UBE2E1: variants seen among roughly 807,000 people sequenced by gnomAD.
The protein encoded by UBE2E1 is ubiquitin conjugating enzyme E2 E1.
Under a neutral mutation model 21.4 loss-of-function variants are expected in UBE2E1, and 6 were observed. That is an observed-to-expected ratio of 0.28 (90% CI 0.15 to 0.55). The LOEUF (loss-of-function observed/expected upper bound fraction) is 0.55. Among genes scored for constraint, UBE2E1 ranks in the 20% least tolerant of loss-of-function variants. The pLI is 0.93. For synonymous variants in UBE2E1, 87 were observed against 82.7 expected, an observed-to-expected ratio of 1.05 and a Z score of -0.28; for missense variants, 142 against 236.5, an observed-to-expected ratio of 0.60 and a Z score of 2.62.
At chr3:23,845,724 T>TCATA (rs1301842551) in intron 3 of UBE2E1, among the ~76,000 whole-genome samples, 10 of 152,042 alleles carry the variant, frequency 6.6e-5, no homozygotes, top group Non-Finnish European at 1.5e-4. Context: ...ATTCTAGGCG[T>TCATA]CATAGGCCAT....
At chr3:23,872,713 T>C (rs1700829678) in intron 3 of UBE2E1, among the ~76,000 whole-genome samples, 1 of 152,182 alleles carries the variant, frequency 6.6e-6, no homozygotes, top group South Asian at 2.1e-4. Flanking sequence ...AAATGAAAAC[T>C]GTTTTTCAAA....
chr3:23,821,906 G>T (rs1291698205), intron 3 of UBE2E1, among the ~76,000 whole-genome samples: 2 of 152,152 alleles, frequency 1.3e-5, no homozygotes, highest in Non-Finnish European at 2.9e-5. Flanking sequence ...GGAGCTCTGA[G>T]ATACATACAC....
intron 3 of UBE2E1, among the ~76,000 whole-genome samples, chr3:23,848,059 A>G (rs781696002): frequency 1.4e-4 from 22 of 152,162 alleles, no homozygotes; most frequent in Admixed American, 2.6e-4. Context: ...TTAACTTCAG[A>G]TATCTTGGAC....
rs1233301297 is a variant in UBE2E1 at position 23,890,803 on chromosome 3, T to C, written c.*197T>C. ...TAGACAGAATTGGTAATAGCAACTT[T>C]TAAAATTGTCATTAGTTCTGCAATA... On this transcript the variant is annotated 3_prime_UTR_variant, in exon 6 of 6. Transcript: ENST00000306627. The C allele has an allele frequency of 3.6e-5, 16 of 448,892 alleles. No individual in the cohort carries two copies. The Admixed American group carries it at 5.4e-4, about 15-fold the overall frequency. 27.8% of individuals were successfully genotyped at this position (448,892 alleles called of 1,614,324 possible).
At position 23,806,242 on chromosome 3, in the gene UBE2E1, C is replaced by T. The variant is rs1359751442; in HGVS notation, c.-34+154C>T. On this transcript the variant is annotated intron_variant, in intron 1 of 5. Coordinates refer to ENST00000306627, the MANE Select transcript of UBE2E1 (RefSeq NM_003341.5). This position sits in a 1 kb window ranked among gnomAD's most constrained non-coding sequence, Gnocchi z 6.5. ...GGGGGAGCGGAGAGGGGCTGGGGAGCCCCAGGGGTCCGGGGCCCGCCCGCG... is the reference window on the plus strand; with the variant it reads ...GGGGGAGCGGAGAGGGGCTGGGGAGTCCCAGGGGTCCGGGGCCCGCCCGCG... 6.7e-6 allele frequency among the ~76,000 whole-genome samples: 1 copy of T among 149,430 alleles called. No homozygotes were observed. Among genetic ancestry groups the T allele is most frequent in the Non-Finnish European group, 1.5e-5 (1 of 66,988 alleles).
rs1700359266 is a variant in UBE2E1, at chr3:23,853,007, C to T, written c.204-34560C>T. Among the ~76,000 whole-genome samples the T allele has an allele frequency of 1.3e-5, 2 of 151,714 alleles. No homozygotes were observed. The highest frequency in any genetic ancestry group is 2.9e-5 in the Non-Finnish European group (2 of 67,950). On this transcript the variant is annotated intron_variant, in intron 3 of 5. Transcript: ENST00000306627. This position sits in a 1 kb window ranked among gnomAD's most constrained non-coding sequence, Gnocchi z 4.1. Reference sequence around the variant, plus strand: ...TCTCGGCTCACCACAACTTACGCCTCCTGAGTTCAAGTGATTCTCCTGCCT... The same window carrying T: ...TCTCGGCTCACCACAACTTACGCCTTCTGAGTTCAAGTGATTCTCCTGCCT...
At chr3:23,852,916 TG>T (rs946490092) in intron 3 of UBE2E1, among the ~76,000 whole-genome samples, 3 of 151,400 alleles carry the variant, frequency 2.0e-5, no homozygotes, top group Non-Finnish European at 2.9e-5. Flanking sequence ...TATTTTGTTT[TG>T]TTTTTTTTTT....
intron 3 of UBE2E1, among the ~76,000 whole-genome samples, chr3:23,845,565 C>CAT: frequency 9.3e-6 from 1 of 107,750 alleles, no homozygotes; most frequent in Admixed American, 9.4e-5. Context: ...TTTGGTTTCT[C>CAT]TCTCTCTCTC....
chr3:23,823,155 C>G lies in UBE2E1; in HGVS notation c.203+11645C>G, dbSNP rs979075555. ...CCTCTGCGCCCATCCTGTTTTTCAT[C>G]CTTTTAATATGGGCTGTTATGTTAA... On this transcript the variant is annotated intron_variant, in intron 3 of 5. Coordinates refer to ENST00000306627, the MANE Select transcript of UBE2E1 (RefSeq NM_003341.5). This position sits in a 1 kb window ranked among gnomAD's most constrained non-coding sequence, Gnocchi z 4.2. 8.5e-5 allele frequency among the ~76,000 whole-genome samples: 13 copies of G among 152,232 alleles called. No individual in the cohort carries two copies. The highest frequency in any genetic ancestry group is 3.1e-4 in the African/African-American group (13 of 41,552).
chr3:23,829,618 GTGC>G (rs1699827826), intron 3 of UBE2E1, among the ~76,000 whole-genome samples: 1 of 152,098 alleles, frequency 6.6e-6, no homozygotes, highest in Non-Finnish European at 1.5e-5. Context: ...TCCTGGAAAA[GTGC>G]TGAAGTGGGA....
intron 3 of UBE2E1, among the ~76,000 whole-genome samples, chr3:23,817,891 A>G (rs1235092287): frequency 2.0e-5 from 3 of 152,222 alleles, no homozygotes; most frequent in Non-Finnish European, 4.4e-5. Flanking sequence ...CTGGAGAATC[A>G]TTAAAAACCT....
At chr3:23,885,659 A>C (rs1701164998) in intron 3 of UBE2E1, among the ~76,000 whole-genome samples, 1 of 152,166 alleles carries the variant, frequency 6.6e-6, no homozygotes, top group African/African-American at 2.4e-5. Flanking sequence ...TCGGGAGTTC[A>C]AGACCAGCCT....
In UBE2E1 at chr3:23,806,147, C is replaced by T. The variant is rs1404608599; in HGVS notation, c.-34+59C>T. On this transcript the variant is annotated intron_variant, in intron 1 of 5. Transcript: ENST00000306627. The surrounding 1 kb of genome is among the most constrained non-coding windows in gnomAD (Gnocchi z 6.5). ...CGGCCGCGCCGCCGGGCCTCGGGGA[C>T]ACCCCTCGCCGCCTCCCCCGACTCG... The T allele has an allele frequency of 6.8e-6, 1 of 147,062 alleles. No individual in the cohort carries two copies. The highest frequency in any genetic ancestry group is 1.5e-5 in the Non-Finnish European group (1 of 66,036). 9.1% of individuals were successfully genotyped at this position (147,062 alleles called of 1,614,324 possible).
chr3:23,890,500 T>C lies in UBE2E1; in HGVS notation c.485-9T>C, dbSNP rs1468392715. 6.2e-7 allele frequency: 1 copy of C among 1,609,594 alleles called. No individual in the cohort carries two copies. The highest frequency in any genetic ancestry group is 2.2e-5 in the East Asian group (1 of 44,612). Reference sequence around the variant, plus strand: ...TTTCTCCAAAGTAATCTACATTCTTTTCTTCCAGCCGACCCCTTGGTGGGA... The same window carrying C: ...TTTCTCCAAAGTAATCTACATTCTTCTCTTCCAGCCGACCCCTTGGTGGGA... On this transcript the variant is annotated splice_polypyrimidine_tract_variant and intron_variant, in intron 5 of 5. Coordinates refer to ENST00000306627, the MANE Select transcript of UBE2E1 (RefSeq NM_003341.5).
intron 3 of UBE2E1, among the ~76,000 whole-genome samples, chr3:23,865,169 C>A (rs75095422): frequency 6.6e-6 from 1 of 152,310 alleles, no homozygotes; most frequent in South Asian, 2.1e-4. Flanking sequence ...TGGCCTGTGT[C>A]CTCATCTGTA....
At chr3:23,838,226 C>A (rs1575820592) in intron 3 of UBE2E1, among the ~76,000 whole-genome samples, 1 of 152,088 alleles carries the variant, frequency 6.6e-6, no homozygotes, top group East Asian at 1.9e-4. Flanking sequence ...AGCCACCACA[C>A]CTGGTTAATT....
intron 3 of UBE2E1, among the ~76,000 whole-genome samples, chr3:23,859,977 T>C (rs760510764): frequency 5.9e-5 from 9 of 152,254 alleles, no homozygotes; most frequent in African/African-American, 9.6e-5. Context: ...ACTGAAATTT[T>C]CATTTACTTT....
At chr3:23,840,781 C>T (rs2125300089) in intron 3 of UBE2E1, among the ~76,000 whole-genome samples, 1 of 152,306 alleles carries the variant, frequency 6.6e-6, no homozygotes, top group Non-Finnish European at 1.5e-5. Context: ...CTCCGGAGTT[C>T]TGTCTCTGTG....
Position 23,872,878 on chromosome 3 carries a change from G to A in UBE2E1, c.204-14689G>A, listed in dbSNP as rs544490756. ...CTAAAAATACAAAAATTAGTCGGGCGTGGTGGCGCATGCCTGTAGTCCCAG... is the reference window on the plus strand; with the variant it reads ...CTAAAAATACAAAAATTAGTCGGGCATGGTGGCGCATGCCTGTAGTCCCAG... On this transcript the variant is annotated intron_variant, in intron 3 of 5. Transcript: ENST00000306627. 2.5e-4 allele frequency among the ~76,000 whole-genome samples: 38 copies of A among 152,022 alleles called. No homozygotes were observed. The South Asian group carries it at 7.3e-3, about 29-fold the overall frequency.
Sources: gnomAD v4.1 joint callset for allele counts (sites outside exome capture counted in the v4.1 genomes callset) on GRCh38, gnomAD v4.1.1 for gene constraint, Gnocchi (gnomAD v3.1) non-coding constraint, MANE v1.5 for transcripts, NCBI Gene and HGNC (gene_info 2026-07-23, HGNC 2026-07-21) for gene names.